The following ARB2A variants were observed in gnomAD, a reference collection of about 807,000 sequenced individuals.
ARB2A encodes ARB2 cotranscriptional regulator A.
the ARB2A span, among the ~76,000 whole-genome samples, chr5:93,872,201 G>A: frequency 1.4e-4 from 21 of 152,128 alleles, no homozygotes; most frequent in East Asian, 2.7e-3. Flanking sequence ...GCCTGCCTCG[G>A]CCTCCCAAAT....
At chr5:93,867,312 A>G in the ARB2A span, among the ~76,000 whole-genome samples, 1 of 152,216 alleles carries the variant, frequency 6.6e-6, no homozygotes, top group Non-Finnish European at 1.5e-5. Flanking sequence ...TAGCATCCAA[A>G]CTGATAGTTC....
the ARB2A span, among the ~76,000 whole-genome samples, chr5:93,915,650 T>C: frequency 6.6e-6 from 1 of 151,966 alleles, no homozygotes; most frequent in Non-Finnish European, 1.5e-5. Flanking sequence ...GAAACCCAAA[T>C]ATCTGAGAAC....
the ARB2A span, among the ~76,000 whole-genome samples, chr5:93,990,446 G>T: frequency 6.6e-6 from 1 of 151,776 alleles, no homozygotes; most frequent in Non-Finnish European, 1.5e-5. Flanking sequence ...AAAAGTCTTT[G>T]TTGAGCTAGA....
At chr5:93,876,752 G>T in the ARB2A span, among the ~76,000 whole-genome samples, 1 of 151,810 alleles carries the variant, frequency 6.6e-6, no homozygotes, top group African/African-American at 2.4e-5. Flanking sequence ...ATTGAACTTG[G>T]TTGCTAAAAT....
At chr5:93,740,503 C>T in the ARB2A span, 3 of 1,460,340 alleles carry the variant, frequency 2.1e-6, no homozygotes, top group Non-Finnish European at 1.8e-6. Context: ...CTCAAATGAA[C>T]CCTAGGGACA....
the ARB2A span, among the ~76,000 whole-genome samples, chr5:93,695,302 C>T: frequency 6.6e-6 from 1 of 152,246 alleles, no homozygotes; most frequent in African/African-American, 2.4e-5. Flanking sequence ...TGAGAAAGGG[C>T]TAATATCCAG....
the ARB2A span, chr5:93,805,972 A>G: frequency 1.2e-5 from 12 of 978,086 alleles, no homozygotes; most frequent in Middle Eastern, 5.2e-4. Flanking sequence ...GCTCTCCTCC[A>G]CTCATGAGAT....
the ARB2A span, among the ~76,000 whole-genome samples, chr5:94,035,860 G>A: frequency 3.3e-5 from 5 of 152,046 alleles, no homozygotes; most frequent in Admixed American, 1.3e-4. Context: ...CTGTCGGGGG[G>A]AGGAGGGGGT....
chr5:93,996,792 T>C, the ARB2A span, among the ~76,000 whole-genome samples: 1 of 152,114 alleles, frequency 6.6e-6, no homozygotes, highest in Non-Finnish European at 1.5e-5. Flanking sequence ...ACCTCTGAGA[T>C]AATAATGTCT....
At chr5:93,667,879 A>G in the ARB2A span, among the ~76,000 whole-genome samples, 1 of 152,212 alleles carries the variant, frequency 6.6e-6, no homozygotes, top group Non-Finnish European at 1.5e-5. Flanking sequence ...CACTGCCAAA[A>G]GACAAGATCT....
the ARB2A span, among the ~76,000 whole-genome samples, chr5:94,076,229 T>C: frequency 6.6e-6 from 1 of 152,222 alleles, no homozygotes; most frequent in African/African-American, 2.4e-5. Flanking sequence ...ATCATTTCTA[T>C]AACTAGCCAT....
the ARB2A span, among the ~76,000 whole-genome samples, chr5:93,854,520 C>A: frequency 6.6e-6 from 1 of 152,058 alleles, no homozygotes; most frequent in Non-Finnish European, 1.5e-5. Flanking sequence ...TTTGCTCTTG[C>A]TTTTCTAGTT....
the ARB2A span, among the ~76,000 whole-genome samples, chr5:93,757,520 C>T: frequency 5.9e-5 from 9 of 152,300 alleles, no homozygotes; most frequent in African/African-American, 1.9e-4. Context: ...ATCAGATTAA[C>T]AGCAGATTTC....
chr5:93,810,654 C>T, the ARB2A span, among the ~76,000 whole-genome samples: 3 of 152,018 alleles, frequency 2.0e-5, no homozygotes, highest in African/African-American at 7.2e-5. Flanking sequence ...CTGATCCTTT[C>T]ACCTCAGCCT....
At chr5:93,641,803 T>C in the ARB2A span, among the ~76,000 whole-genome samples, 1 of 152,208 alleles carries the variant, frequency 6.6e-6, no homozygotes, top group Admixed American at 6.5e-5. Context: ...CTTTGCTTAA[T>C]AGTTATTTAT....
chr5:94,106,010 A>G, the ARB2A span, among the ~76,000 whole-genome samples: 1 of 152,002 alleles, frequency 6.6e-6, no homozygotes, highest in Non-Finnish European at 1.5e-5. Flanking sequence ...TTACATGTAA[A>G]GCCTTAAACT....
the ARB2A span, among the ~76,000 whole-genome samples, chr5:93,956,154 C>T: frequency 6.6e-6 from 1 of 152,164 alleles, no homozygotes; most frequent in Non-Finnish European, 1.5e-5. Context: ...AACATGAACT[C>T]TTAATACACT....
the ARB2A span, among the ~76,000 whole-genome samples, chr5:93,998,619 TAA>T: frequency 6.6e-6 from 1 of 151,930 alleles, no homozygotes; most frequent in East Asian, 1.9e-4. Context: ...CAGATGAACA[TAA>T]AAGGTTAATT....
At chr5:93,897,385 G>A in the ARB2A span, among the ~76,000 whole-genome samples, 1 of 151,798 alleles carries the variant, frequency 6.6e-6, no homozygotes, top group African/African-American at 2.4e-5. Context: ...AAGCAAAGAG[G>A]ACTAAAAACA....
Sources: gnomAD v4.1 joint callset for allele counts (sites outside exome capture counted in the v4.1 genomes callset) on GRCh38, gnomAD v4.1.1 for gene constraint, MANE v1.5 for transcripts, NCBI Gene and HGNC (gene_info 2026-07-23, HGNC 2026-07-21) for gene names.